The following RBFOX1 variants were observed in gnomAD, a reference collection of about 807,000 sequenced individuals.
RBFOX1 encodes the protein RNA binding fox-1 homolog 1.
In RBFOX1, 8 loss-of-function variants were observed where a neutral mutation model predicts 57.7. The observed-to-expected ratio is 0.14, with a 90% confidence interval of 0.08 to 0.25. The LOEUF is 0.25. Among genes scored for constraint, RBFOX1 ranks in the 10% least tolerant of loss-of-function variants. The pLI is 1.00. For missense variants in RBFOX1, 611 were observed against 548.5 expected (o/e 1.11, Z -1.14); for synonymous variants, 326 against 222.4 (o/e 1.47, Z -4.15).
chr16:7,705,110 G>C lies in RBFOX1; in HGVS notation c.996-3946G>C, dbSNP rs149848761. On this transcript the variant is annotated intron_variant, in intron 14 of 15. Transcript: ENST00000550418. ...AGCATCTCTTCATCTCTCTAGGGAA[G>C]GGACATTTGATTTGAAACATAAAAG... Among the ~76,000 whole-genome samples, 7 of 151,984 alleles carry C rather than the reference G, an allele frequency of 4.6e-5. No homozygotes were observed. The East Asian group carries it at 1.4e-3, about 29-fold the overall frequency.
chr16:7,358,924 G>A (rs1322210861), intron 4 of RBFOX1, among the ~76,000 whole-genome samples: 1 of 152,142 alleles, frequency 6.6e-6, no homozygotes, highest in African/African-American at 2.4e-5. Context: ...CTAAGACTTG[G>A]AATTTCGGAT....
chr16:5,257,153 GAAACAAAC>G (rs35816252), intron 1 of RBFOX1, among the ~76,000 whole-genome samples: 2 of 151,142 alleles, frequency 1.3e-5, no homozygotes, highest in African/African-American at 4.9e-5. Context: ...AAAAAACCAA[GAAACAAAC>G]AAACAAACAG....
intron 4 of RBFOX1, among the ~76,000 whole-genome samples, chr16:7,393,133 T>A (rs2098071657): frequency 6.6e-6 from 1 of 152,132 alleles, no homozygotes; most frequent in Admixed American, 6.5e-5. Flanking sequence ...CTCAGCCTCC[T>A]AAAGTGGTGG....
intron 3 of RBFOX1, among the ~76,000 whole-genome samples, chr16:5,640,959 T>C (rs1178697228): frequency 5.4e-5 from 8 of 148,214 alleles, no homozygotes; most frequent in Non-Finnish European, 1.2e-4. Context: ...CACACATGCA[T>C]ACACACATGC....
Position 5,797,165 on chromosome 16 carries a change from A to G in RBFOX1, c.319-70138A>G, listed in dbSNP as rs2054906002. On this transcript the variant is annotated intron_variant, in intron 3 of 19. Transcript: ENST00000641259. ...ACATTGACACTGAGACCTGAAGGAT[A>G]AAAGGAACCAGCCATGCTAGATGCC... Among the ~76,000 whole-genome samples the G allele has an allele frequency of 2.0e-5, 3 of 152,328 alleles. No individual in the cohort carries two copies. The East Asian group carries it at 5.8e-4, about 29-fold the overall frequency.
intron 2 of RBFOX1, among the ~76,000 whole-genome samples, chr16:5,551,444 C>T (rs553527305): frequency 6.6e-6 from 1 of 152,192 alleles, no homozygotes; most frequent in South Asian, 2.1e-4. Flanking sequence ...CTCTTGTTAC[C>T]ACTAAATTGT....
At chr16:6,252,607 G>C (rs2097626077) in intron 1 of RBFOX1, among the ~76,000 whole-genome samples, 1 of 102,628 alleles carries the variant, frequency 9.7e-6, no homozygotes, top group Non-Finnish European at 2.5e-5. Context: ...TCCATGCCAA[G>C]GTGTTTTGTT....
At chr16:5,706,381 G>A (rs955329074) in intron 3 of RBFOX1, among the ~76,000 whole-genome samples, 16 of 152,178 alleles carry the variant, frequency 1.1e-4, no homozygotes, top group East Asian at 1.9e-4. Flanking sequence ...CGATTGCCCC[G>A]AATCACCAAG....
intron 1 of RBFOX1, among the ~76,000 whole-genome samples, chr16:5,278,904 C>T (rs1295389698): frequency 1.3e-5 from 2 of 152,058 alleles, no homozygotes; most frequent in Admixed American, 6.6e-5. Context: ...GCTGTAAATA[C>T]GTGGATTCAT....
At chr16:7,082,145 ATC>A (rs2059298645) in intron 4 of RBFOX1, among the ~76,000 whole-genome samples, 1 of 152,126 alleles carries the variant, frequency 6.6e-6, no homozygotes, top group African/African-American at 2.4e-5. Context: ...CCTGTTATCT[ATC>A]TTGGTAAACT....
intron 3 of RBFOX1, among the ~76,000 whole-genome samples, chr16:6,724,755 C>T (rs1305272275): frequency 1.3e-5 from 2 of 151,748 alleles, no homozygotes; most frequent in African/African-American, 4.8e-5. Context: ...ATTCTAAGTT[C>T]TGGGGTACAC....
chr16:6,489,415 A>C (rs1567412154), intron 2 of RBFOX1, among the ~76,000 whole-genome samples: 1 of 152,182 alleles, frequency 6.6e-6, no homozygotes, highest in South Asian at 2.1e-4. Flanking sequence ...AGATAAGCCT[A>C]GGAGATTGTT....
chr16:5,733,100 C>G (rs1174682984), intron 3 of RBFOX1, among the ~76,000 whole-genome samples: 3 of 152,046 alleles, frequency 2.0e-5, no homozygotes, highest in Non-Finnish European at 4.4e-5. Context: ...ACTTCCAAAA[C>G]AAATGAACAA....
In RBFOX1 at chr16:7,480,327, C is replaced by T. The variant is rs113115191; in HGVS notation, c.28-37820C>T. Among the ~76,000 whole-genome samples, 478 of 152,342 alleles carry T rather than the reference C, an allele frequency of 3.1e-3. 1 individual carries two copies. The highest frequency in any genetic ancestry group is 5.5e-3 in the Non-Finnish European group (377 of 68,042). On this transcript the variant is annotated intron_variant, in intron 4 of 15. Transcript: ENST00000550418. ...TTTCTGTCAATCCCAGTTTCCCTCT[C>T]TTTCAACCTGAGCTGGTAGCACTAT...
Position 6,510,601 on chromosome 16 carries a change from C to T in RBFOX1, c.-63-144002C>T, listed in dbSNP as rs547950574. On this transcript the variant is annotated intron_variant, in intron 2 of 15. Coordinates refer to ENST00000550418, the MANE Select transcript of RBFOX1 (RefSeq NM_018723.4). Reference sequence around the variant, plus strand: ...ATGGAGAAGTCGGGAGGATGAAAGCCTGCGTATGCCTCCAGAGGCTCCCTA... The same window carrying T: ...ATGGAGAAGTCGGGAGGATGAAAGCTTGCGTATGCCTCCAGAGGCTCCCTA... 2.0e-5 allele frequency among the ~76,000 whole-genome samples: 3 copies of T among 152,236 alleles called. No individual in the cohort carries two copies. In the East Asian group the frequency reaches 5.8e-4, roughly 29 times the overall value.
Position 6,061,858 on chromosome 16 carries a change from A to T in RBFOX1, c.-127+41866A>T, listed in dbSNP as rs1242823417. ...TATAATTCAGTGCCATTCTGACATT[A>T]TCTACCTGGAGATAGCATCAGATCC... On this transcript the variant is annotated intron_variant, in intron 1 of 15. Transcript: ENST00000550418. Among the ~76,000 whole-genome samples, 3 of 152,136 alleles carry T rather than the reference A, an allele frequency of 2.0e-5. No individual in the cohort carries two copies. In the East Asian group the frequency reaches 5.8e-4, roughly 29 times the overall value.
intron 4 of RBFOX1, among the ~76,000 whole-genome samples, chr16:7,207,893 A>T (rs1227572519): frequency 6.6e-6 from 1 of 152,180 alleles, no homozygotes; most frequent in Non-Finnish European, 1.5e-5. Flanking sequence ...GGTGACAGTG[A>T]GAGTTGAACT....
intron 10 of RBFOX1, among the ~76,000 whole-genome samples, chr16:7,618,117 G>T (rs916080518): frequency 2.6e-5 from 4 of 152,174 alleles, no homozygotes; most frequent in African/African-American, 9.7e-5. Flanking sequence ...GTTGAGATTA[G>T]AGAGTACCTT....
chr16:5,483,925 C>G (rs2069635704), intron 2 of RBFOX1, among the ~76,000 whole-genome samples: 3 of 152,084 alleles, frequency 2.0e-5, no homozygotes, highest in Non-Finnish European at 4.4e-5. Flanking sequence ...GATCCCAGCA[C>G]TTTGAGAGGT....
Sources: allele counts gnomAD v4.1 joint callset (sites outside exome capture counted in the v4.1 genomes callset), GRCh38; gene constraint gnomAD v4.1.1; transcripts MANE v1.5; gene names NCBI Gene and HGNC (gene_info 2026-07-23, HGNC 2026-07-21).